The following IQCH variants were observed in gnomAD, a reference collection of about 807,000 sequenced individuals.
The protein encoded by IQCH is IQ domain-containing protein H.
In IQCH, 98 loss-of-function variants were observed where a neutral mutation model predicts 117.0. That is an observed-to-expected ratio of 0.84 (90% CI 0.71 to 0.99). The LOEUF is 0.99. Among genes scored for constraint, IQCH ranks in the 50% least tolerant of loss-of-function variants. The probability of loss-of-function intolerance (pLI) is 0.00; values close to 1 mark genes in which losing one functional copy is unlikely to be tolerated. For missense variants in IQCH, 1,102 were observed against 1,243.8 expected, an observed-to-expected ratio of 0.89 and a Z score of 1.72; for synonymous variants, 412 against 448.2, an observed-to-expected ratio of 0.92 and a Z score of 1.02.
chr15:67,299,078 CAA>C (rs36031731), intron 4 of IQCH, among the ~76,000 whole-genome samples: 72 of 107,046 alleles, frequency 6.7e-4, no homozygotes, highest in Middle Eastern at 4.4e-3. Context: ...TATATTCAGC[CAA>C]AAAAAAAAAA....
Position 67,496,738 on chromosome 15 carries a change from G to T in IQCH, c.2970+2372G>T, listed in dbSNP as rs2083822478. On this transcript the variant is annotated intron_variant, in intron 20 of 20. Transcript: ENST00000335894. This position sits in a 1 kb window ranked among gnomAD's most constrained non-coding sequence, Gnocchi z 4.4. The stretch of plus-strand genomic sequence containing the variant: ...AGAAGAAATAAAAGTAAAAGTATCG[G>T]CCGGGCACGGTGGCTCACGCCTGTA... 6.6e-6 allele frequency among the ~76,000 whole-genome samples: 1 copy of T among 152,096 alleles called. No individual in the cohort carries two copies.
chr15:67,303,934 G>A (rs1386231697), intron 4 of IQCH, among the ~76,000 whole-genome samples: 1 of 152,090 alleles, frequency 6.6e-6, no homozygotes. Context: ...GAGGAAAGTG[G>A]CCACATTAAC....
intron 4 of IQCH, chr15:67,306,779 T>C (rs761483890): frequency 6.7e-6 from 9 of 1,352,466 alleles, no homozygotes; most frequent in Middle Eastern, 1.8e-4. Context: ...TTTCAATATC[T>C]TCAATCTGCC....
At chr15:67,450,586 G>C (rs371173966) in intron 16 of IQCH, among the ~76,000 whole-genome samples, 1 of 152,158 alleles carries the variant, frequency 6.6e-6, no homozygotes, top group African/African-American at 2.4e-5. Flanking sequence ...CTTGATCATG[G>C]TGGATAAGCT....
chr15:67,268,970 A>T (rs528960246), intron 3 of IQCH, among the ~76,000 whole-genome samples: 2 of 152,252 alleles, frequency 1.3e-5, no homozygotes, highest in South Asian at 4.1e-4. Context: ...AAACATTTGC[A>T]ACAGATATGA....
intron 4 of IQCH, among the ~76,000 whole-genome samples, chr15:67,310,583 T>G (rs374395721): frequency 4.9e-4 from 75 of 152,258 alleles, no homozygotes; most frequent in African/African-American, 1.8e-3. Flanking sequence ...AGTTCTCTGG[T>G]GCATACTTTT....
intron 4 of IQCH, among the ~76,000 whole-genome samples, chr15:67,292,575 T>A (rs1193534611): frequency 1.3e-5 from 2 of 152,116 alleles, no homozygotes; most frequent in African/African-American, 4.8e-5. Context: ...CCAAAAAGAC[T>A]AAAACAGTAT....
intron 4 of IQCH, among the ~76,000 whole-genome samples, chr15:67,322,897 A>G (rs1968206239): frequency 6.6e-6 from 1 of 152,174 alleles, no homozygotes; most frequent in African/African-American, 2.4e-5. Flanking sequence ...GTGATTATGC[A>G]AAAGAGGTTA....
intron 8 of IQCH, among the ~76,000 whole-genome samples, chr15:67,371,171 T>C (rs1970519186): frequency 6.6e-6 from 1 of 152,116 alleles, no homozygotes; most frequent in African/African-American, 2.4e-5. Flanking sequence ...TGAAAATCTG[T>C]ACCCTCCCTC....
At chr15:67,328,468 A>G (rs1968512140) in intron 4 of IQCH, among the ~76,000 whole-genome samples, 1 of 152,206 alleles carries the variant, frequency 6.6e-6, no homozygotes, top group Non-Finnish European at 1.5e-5. Flanking sequence ...TATGTTATAA[A>G]TGTAACAAGA....
intron 16 of IQCH, among the ~76,000 whole-genome samples, chr15:67,438,059 T>A (rs1422827848): frequency 1.3e-5 from 2 of 152,040 alleles, no homozygotes; most frequent in Non-Finnish European, 2.9e-5. Flanking sequence ...AACTGGAAAT[T>A]TTATTGCAAA....
chr15:67,294,702 C>T (rs759179502), intron 4 of IQCH, among the ~76,000 whole-genome samples: 18 of 152,196 alleles, frequency 1.2e-4, no homozygotes, highest in Non-Finnish European at 1.9e-4. Context: ...AACTGGGCCC[C>T]CAGTGGCTTC....
At position 67,465,235 on chromosome 15, in the gene IQCH, G is replaced by C. The variant is rs368566374; in HGVS notation, c.2614G>C (p.Val872Leu). 2.4e-5 allele frequency: 39 copies of C among 1,613,932 alleles called. No individual in the cohort carries two copies. Among genetic ancestry groups the C allele is most frequent in the Non-Finnish European group, 3.2e-5 (38 of 1,180,022 alleles). ...GGATTGCAGTTTGAGCACCCTGGAAGTGCCCCGCTTTGTTCCAAAGGAAAG... is the reference window on the plus strand; with the variant it reads ...GGATTGCAGTTTGAGCACCCTGGAACTGCCCCGCTTTGTTCCAAAGGAAAG... Reference protein sequence around the residue: ...HLDCSLSTLEVPRFVPKERKK... With the variant: ...HLDCSLSTLELPRFVPKERKK... Residue 872 changes from valine (V) to leucine (L), a missense_variant, in exon 17 of 21, where the codon GTG becomes CTG. Val to Leu is a conservative substitution (Grantham distance 32). Transcript: ENST00000335894. This position sits in a 1 kb window ranked among gnomAD's most constrained non-coding sequence, Gnocchi z 5.9.
intron 4 of IQCH, among the ~76,000 whole-genome samples, chr15:67,284,541 G>A (rs1377337763): frequency 2.6e-5 from 4 of 152,052 alleles, no homozygotes; most frequent in African/African-American, 7.2e-5. Context: ...GATTTGTTGT[G>A]CAGATTATTT....
intron 16 of IQCH, among the ~76,000 whole-genome samples, chr15:67,449,262 C>T (rs934796597): frequency 6.6e-6 from 1 of 152,128 alleles, no homozygotes; most frequent in Non-Finnish European, 1.5e-5. Flanking sequence ...GCTTTTGTTG[C>T]CATTGCTTTT....
intron 16 of IQCH, among the ~76,000 whole-genome samples, chr15:67,452,641 T>C (rs7164859): frequency 0.12 from 18,696 of 151,814 alleles, 854 homozygotes; most frequent in East Asian, 0.2. Flanking sequence ...GACCTTTCTC[T>C]CTGGCTGCCC....
Position 67,465,406 on chromosome 15 carries a change from C to A in IQCH, c.2676+109C>A. On this transcript the variant is annotated intron_variant, in intron 17 of 20. Coordinates refer to ENST00000335894, the MANE Select transcript of IQCH (RefSeq NM_001031715.3). The surrounding 1 kb of genome is among the most constrained non-coding windows in gnomAD (Gnocchi z 5.9). ...CTTTGAGTACAGGAAGAAGAAAGAGCCTAAGGCAAGTCATTGGACTTGTCT... is the reference window on the plus strand; with the variant it reads ...CTTTGAGTACAGGAAGAAGAAAGAGACTAAGGCAAGTCATTGGACTTGTCT... 3 of 1,198,658 alleles carry A rather than the reference C, an allele frequency of 2.5e-6. No homozygotes were observed. The highest frequency in any genetic ancestry group is 3.5e-6 in the Non-Finnish European group (3 of 855,288). The allele number at this position is 1,198,658 out of a possible 1,614,324, so 74.3% of individuals were successfully genotyped here.
rs1261502526 is a variant in IQCH, at chr15:67,473,067, G to A, written c.2677-2629G>A. On this transcript the variant is annotated intron_variant, in intron 17 of 20. Transcript: ENST00000335894. This position sits in a 1 kb window ranked among gnomAD's most constrained non-coding sequence, Gnocchi z 4.9. ...CCTGCCTACCTCTCTTGCTGGCTGG[G>A]GTCTGGTCTTGGTTTTTCTTGTTTA... 6.6e-6 allele frequency among the ~76,000 whole-genome samples: 1 copy of A among 152,050 alleles called. No homozygotes were observed. Among genetic ancestry groups the A allele is most frequent in the East Asian group, 1.9e-4 (1 of 5,184 alleles).
At position 67,254,830 on chromosome 15, in the gene IQCH, C is replaced by T; in HGVS notation, c.-67C>T. 6.5e-7 allele frequency: 1 copy of T among 1,533,752 alleles called. No homozygotes were observed. The highest frequency in any genetic ancestry group is 8.9e-7 in the Non-Finnish European group (1 of 1,119,756). On this transcript the variant is annotated 5_prime_UTR_variant, in exon 1 of 21. Transcript: ENST00000335894. ...GCGGTGTTGCCATGGGGACGAGCGG[C>T]TCCGGCTGAAGGTTTCCGTGCTTGG... is the stretch of plus-strand genomic sequence containing the variant.
Sources: allele counts gnomAD v4.1 joint callset (sites outside exome capture counted in the v4.1 genomes callset), GRCh38; gene constraint gnomAD v4.1.1; non-coding constraint Gnocchi (gnomAD v3.1); transcripts MANE v1.5; gene names NCBI Gene and HGNC (gene_info 2026-07-23, HGNC 2026-07-21).